The following SHISA6 variants were observed in gnomAD, a reference collection of about 807,000 sequenced individuals.
SHISA6 encodes protein shisa-6.
In SHISA6, 22 loss-of-function variants were observed where a neutral mutation model predicts 47.9. That is an observed-to-expected ratio of 0.46 (90% confidence interval 0.33 to 0.66). SHISA6 has a LOEUF of 0.66. Ranked by LOEUF, SHISA6 falls within the 30% of genes least tolerant of loss-of-function variation. The pLI, the probability that SHISA6 is intolerant of heterozygous loss-of-function variation, is 0.02. For missense variants in SHISA6, 680 were observed against 764.6 expected, an observed-to-expected ratio of 0.89 and a Z score of 1.30; for synonymous variants, 388 against 337.8, an observed-to-expected ratio of 1.15 and a Z score of -1.63.
intron 2 of SHISA6, among the ~76,000 whole-genome samples, chr17:11,341,280 C>T (rs904150403): frequency 1.3e-5 from 2 of 151,602 alleles, no homozygotes; most frequent in African/African-American, 4.8e-5. Flanking sequence ...CACTGATTAT[C>T]CTCTAAACAA....
intron 2 of SHISA6, among the ~76,000 whole-genome samples, chr17:11,323,370 A>G (rs1300545881): frequency 6.6e-6 from 1 of 152,082 alleles, no homozygotes; most frequent in African/African-American, 2.4e-5. Flanking sequence ...ATAATAACAC[A>G]TGAGCCGGGC....
intron 3 of SHISA6, among the ~76,000 whole-genome samples, chr17:11,395,480 C>CTATCATAT (rs1386538813): frequency 6.8e-6 from 1 of 146,802 alleles, no homozygotes; most frequent in Non-Finnish European, 1.5e-5. Flanking sequence ...CCTAGGTATG[C>CTATCATAT]TATCATATTA....
intron 2 of SHISA6, among the ~76,000 whole-genome samples, chr17:11,355,106 A>G (rs145439535): frequency 6.6e-6 from 1 of 152,342 alleles, no homozygotes; most frequent in East Asian, 1.9e-4. Context: ...CCCTTTATTA[A>G]AACCACCTCA....
chr17:11,495,766 T>G (rs1772604042), intron 3 of SHISA6, among the ~76,000 whole-genome samples: 1 of 122,602 alleles, frequency 8.2e-6, no homozygotes, highest in Admixed American at 7.8e-5. Flanking sequence ...TATTATGGGC[T>G]AACATTCTGT....
intron 3 of SHISA6, among the ~76,000 whole-genome samples, chr17:11,402,188 T>G (rs1464767082): frequency 1.3e-5 from 2 of 152,158 alleles, no homozygotes; most frequent in African/African-American, 4.8e-5. Context: ...TTCCTTATTT[T>G]TTATTATCCT....
In SHISA6 at chr17:11,516,798, T is replaced by C. The variant is rs573859073; in HGVS notation, c.896-35098T>C. On this transcript the variant is annotated intron_variant, in intron 3 of 5. Coordinates refer to ENST00000441885, the MANE Select transcript of SHISA6 (RefSeq NM_207386.4). The stretch of plus-strand genomic sequence containing the variant: ...TAGGACTGTTCCTGGCCATGGATAG[T>C]CTCTGCAGTGACTTCTGAAAGAGTC... Among the ~76,000 whole-genome samples, 26 of 152,298 alleles carry C rather than the reference T, an allele frequency of 1.7e-4. No individual in the cohort carries two copies. In the South Asian group the frequency reaches 5.4e-3, roughly 32 times the overall value.
At position 11,563,970 on chromosome 17, in the gene SHISA6, A is replaced by G. The variant is rs1236481466; in HGVS notation, c.*5666A>G. The stretch of plus-strand genomic sequence containing the variant: ...AGCACATTCTACATGTACTGTAAAC[A>G]GATACACTTTAGTAAGATTTAGTCT... On this transcript the variant is annotated 3_prime_UTR_variant, in exon 6 of 6. Coordinates refer to ENST00000441885, the MANE Select transcript of SHISA6 (RefSeq NM_207386.4). 2.0e-5 allele frequency: 3 copies of G among 152,340 alleles called. No individual in the cohort carries two copies. The highest frequency in any genetic ancestry group is 3.9e-4 in the East Asian group (2 of 5,184). The allele number at this position is 152,340 out of a possible 1,614,324, so 9.4% of individuals were successfully genotyped here. A position where few individuals can be genotyped will look rare whatever the true frequency, so the allele number is the denominator to read the frequency against.
At chr17:11,541,686 G>A (rs772454306) in intron 3 of SHISA6, among the ~76,000 whole-genome samples, 9 of 152,206 alleles carry the variant, frequency 5.9e-5, no homozygotes, top group East Asian at 1.9e-4. Context: ...GATACAAAAT[G>A]TTCAACCTAA....
chr17:11,422,998 G>GA (rs35031336), intron 3 of SHISA6, among the ~76,000 whole-genome samples: 100,713 of 147,860 alleles, frequency 0.68, 34,308 homozygotes, highest in African/African-American at 0.72. Flanking sequence ...TAGATTCCAG[G>GA]AAAAAAAAAA....
At chr17:11,315,849 A>G (rs941179201) in intron 2 of SHISA6, among the ~76,000 whole-genome samples, 43 of 152,318 alleles carry the variant, frequency 2.8e-4, no homozygotes, top group Middle Eastern at 3.4e-3. Flanking sequence ...CCAAACATAG[A>G]GTTCTGAGAT....
At chr17:11,507,952 G>T (rs2071513728) in intron 3 of SHISA6, among the ~76,000 whole-genome samples, 1 of 152,208 alleles carries the variant, frequency 6.6e-6, no homozygotes, top group Non-Finnish European at 1.5e-5. Context: ...TGAGGTCAAA[G>T]GGAGTGAGCT....
At chr17:11,511,970 G>A (rs962752370) in intron 3 of SHISA6, among the ~76,000 whole-genome samples, 5 of 152,192 alleles carry the variant, frequency 3.3e-5, no homozygotes, top group South Asian at 2.1e-4. Context: ...CAAGAGACTC[G>A]GATTCTAGTG....
At chr17:11,341,623 C>T (rs180996028) in intron 2 of SHISA6, among the ~76,000 whole-genome samples, 17 of 152,176 alleles carry the variant, frequency 1.1e-4, no homozygotes, top group East Asian at 1.9e-4. Context: ...TGTGAGCCAC[C>T]GCGCCTGCCC....
At chr17:11,278,125 T>G (rs1191674581) in intron 2 of SHISA6, among the ~76,000 whole-genome samples, 2 of 152,220 alleles carry the variant, frequency 1.3e-5, no homozygotes, top group Admixed American at 1.3e-4. Context: ...GGCTGTCCTC[T>G]GTGCTTTCCA....
Position 11,455,362 on chromosome 17 carries a change from A to G in SHISA6, c.895+75853A>G, listed in dbSNP as rs144710922. Among the ~76,000 whole-genome samples, 39 of 152,304 alleles carry G rather than the reference A, an allele frequency of 2.6e-4. No homozygotes were observed. In the East Asian group the frequency reaches 7.1e-3, roughly 28 times the overall value. ...CAACATATGCTGAACACCTACAACA[A>G]TGCCTGGCACACAGCAAACGTGATG... On this transcript the variant is annotated intron_variant, in intron 3 of 5. Transcript: ENST00000441885.
chr17:11,360,966 G>GTT (rs5819314), intron 2 of SHISA6, among the ~76,000 whole-genome samples: 67,505 of 148,294 alleles, frequency 0.46, 15,496 homozygotes, highest in Middle Eastern at 0.53. Flanking sequence ...TTTTCTCTTT[G>GTT]TTTTCTTTTT....
chr17:11,492,467 T>C (rs2071372275), intron 3 of SHISA6, among the ~76,000 whole-genome samples: 1 of 152,198 alleles, frequency 6.6e-6, no homozygotes, highest in South Asian at 2.1e-4. Flanking sequence ...GCAGTCAATA[T>C]TTACTATGTG....
intron 3 of SHISA6, among the ~76,000 whole-genome samples, chr17:11,391,990 A>T (rs1913400654): frequency 6.6e-6 from 1 of 152,168 alleles, no homozygotes; most frequent in Non-Finnish European, 1.5e-5. Flanking sequence ...ACTGAAAAGA[A>T]GTGGCTTTTT....
intron 3 of SHISA6, among the ~76,000 whole-genome samples, chr17:11,488,592 A>T (rs1032744306): frequency 6.6e-6 from 1 of 152,192 alleles, no homozygotes; most frequent in African/African-American, 2.4e-5. Flanking sequence ...AGGTGCACAG[A>T]TGATGTCATC....
Sources: allele counts gnomAD v4.1 joint callset (sites outside exome capture counted in the v4.1 genomes callset), GRCh38; gene constraint gnomAD v4.1.1; transcripts MANE v1.5; gene names NCBI Gene and HGNC (gene_info 2026-07-23, HGNC 2026-07-21).